BYSL: variants seen among roughly 807,000 people sequenced by gnomAD.
BYSL encodes the protein bystin.
BYSL carries 21 observed loss-of-function variants against 45.4 expected under a neutral mutation model. That is an observed-to-expected ratio of 0.46 (90% CI 0.33 to 0.67). The LOEUF (loss-of-function observed/expected upper bound fraction) is 0.67, where lower values mean the gene tolerates loss of function less well. Ranked by LOEUF, BYSL falls within the 30% of genes least tolerant of loss-of-function variation. The probability of loss-of-function intolerance (pLI) is 0.02; values close to 1 mark genes in which losing one functional copy is unlikely to be tolerated. For synonymous variants in BYSL, 215 were observed against 231.3 expected (o/e 0.93, Z 0.64); for missense variants, 522 against 578.5 (o/e 0.90, Z 1.00).
At chr6:41,910,070 T>C in the BYSL span, among the ~76,000 whole-genome samples, 1 of 152,116 alleles carries the variant, frequency 6.6e-6, no homozygotes, top group East Asian at 1.9e-4. Flanking sequence ...GGATCCAAGC[T>C]GTGATAGGTC....
chr6:41,915,664 G>C, the BYSL span, among the ~76,000 whole-genome samples: 2 of 152,136 alleles, frequency 1.3e-5, no homozygotes, highest in Non-Finnish European at 2.9e-5. Flanking sequence ...GCAGGTGCCT[G>C]TAGTCCCAGC....
At chr6:41,920,972 A>C, upstream of BYSL, 1 of 1,604,324 alleles carries the variant, frequency 6.2e-7, no homozygotes, top group South Asian at 1.1e-5. Flanking sequence ...CACAACTCCA[A>C]GCCCCGCCCC....
At chr6:41,913,072 T>C in the BYSL span, 3 of 149,424 alleles carry the variant, frequency 2.0e-5, no homozygotes, top group Admixed American at 1.3e-4. Flanking sequence ...ATCATGCCAT[T>C]GCACTCCAGC....
rs569549621 is a variant in BYSL, at chr6:41,932,933, G to A, written c.*227G>A. 3 of 547,992 alleles carry A rather than the reference G, an allele frequency of 5.5e-6. No individual in the cohort carries two copies. In the South Asian group the frequency reaches 7.5e-5, roughly 14 times the overall value. The allele number at this position is 547,992 out of a possible 1,614,324, so 33.9% of individuals were successfully genotyped here. The stretch of plus-strand genomic sequence containing the variant: ...CCTGTTTAGTTCTGAGAGCCAACTT[G>A]AGATACCATATGCTAGCATTCCCAG... On this transcript the variant is annotated 3_prime_UTR_variant, in exon 7 of 7. Transcript: ENST00000230340. This position sits in a 1 kb window ranked among gnomAD's most constrained non-coding sequence, Gnocchi z 4.7.
chr6:41,930,282 G>A lies in BYSL; in HGVS notation c.570+12G>A, dbSNP rs1383559866. ...GGGGGGTCCGGGAGGTAAGAGCTGA[G>A]AGGGGAGCCATGGTGGAAGACCCCT... On this transcript the variant is annotated intron_variant, in intron 3 of 6. Transcript: ENST00000230340. 1 of 1,612,386 alleles carries A rather than the reference G, an allele frequency of 6.2e-7. No individual in the cohort carries two copies.
upstream of BYSL, chr6:41,917,011 A>G: frequency 1.3e-6 from 2 of 1,534,198 alleles, no homozygotes; most frequent in Non-Finnish European, 1.8e-6. Context: ...TCACTCGCCC[A>G]CAGCATCACA....
rs1039534633 is a variant in BYSL, at chr6:41,931,722, C to T, written c.866-6C>T. On this transcript the variant is annotated splice_region_variant and splice_polypyrimidine_tract_variant and intron_variant, in intron 5 of 6. Coordinates refer to ENST00000230340, the MANE Select transcript of BYSL (RefSeq NM_004053.4). ...CTCACAGTGGCTGCCCTTTGACTCT[C>T]CCTAGGGATCCTGATTCCACTGTGC... 1.2e-6 allele frequency: 2 copies of T among 1,613,620 alleles called. No individual in the cohort carries two copies. Among genetic ancestry groups the T allele is most frequent in the African/African-American group, 1.3e-5 (1 of 74,924 alleles).
chr6:41,922,846 C>T (rs1775506801), intron 1 of BYSL, among the ~76,000 whole-genome samples: 1 of 152,176 alleles, frequency 6.6e-6, no homozygotes, highest in Non-Finnish European at 1.5e-5. Flanking sequence ...CCCTCCAAAC[C>T]TGCTTCTCTC....
In BYSL at chr6:41,932,533, T is replaced by A; in HGVS notation, c.1141T>A (p.Cys381Ser). The A allele has an allele frequency of 6.2e-7, 1 of 1,614,224 alleles. No homozygotes were observed. Among genetic ancestry groups the A allele is most frequent in the Non-Finnish European group, 8.5e-7 (1 of 1,180,042 alleles). ...TGAACTGCCTGTGCTGTGGCACCAG[T>A]GCCTCCTGACTTTGGTCCAGCGCTA... Reference protein sequence around the residue: ...KRELPVLWHQCLLTLVQRYKA... With the variant: ...KRELPVLWHQSLLTLVQRYKA... The change falls in exon 7 of 7, where the codon TGC (cysteine) becomes AGC (serine). Residue 381 changes from cysteine (C) to serine (S), a missense_variant. Coordinates refer to ENST00000230340, the MANE Select transcript of BYSL (RefSeq NM_004053.4). The surrounding 1 kb of genome is among the most constrained non-coding windows in gnomAD (Gnocchi z 4.7).
chr6:41,932,663 C>T lies in BYSL; in HGVS notation c.1271C>T (p.Ala424Val). Reference protein sequence around the residue: ...SPEIRRELQSAVPRDVEDVPI... With the variant: ...SPEIRRELQSVVPRDVEDVPI... ...GAAATCAGGCGTGAGCTTCAGAGTG[C>T]AGTCCCCCGCGATGTGGAAGATGTT... Residue 424 changes from alanine to valine, a missense_variant, in exon 7 of 7, where the codon GCA becomes GTA. Coordinates refer to ENST00000230340, the MANE Select transcript of BYSL (RefSeq NM_004053.4). This position sits in a 1 kb window ranked among gnomAD's most constrained non-coding sequence, Gnocchi z 4.7. The T allele has an allele frequency of 1.2e-6, 2 of 1,613,970 alleles. No individual in the cohort carries two copies. Among genetic ancestry groups the T allele is most frequent in the Non-Finnish European group, 1.7e-6 (2 of 1,179,842 alleles).
chr6:41,932,391 A>G lies in BYSL; in HGVS notation c.999A>G (p.Glu333=), dbSNP rs1191791940. The G allele has an allele frequency of 6.2e-7, 1 of 1,612,918 alleles. No homozygotes were observed. The highest frequency in any genetic ancestry group is 8.5e-7 in the Non-Finnish European group (1 of 1,179,962). Residue 333 remains glutamate, a synonymous_variant, in exon 7 of 7, where the codon GAA becomes GAG. Coordinates refer to ENST00000230340, the MANE Select transcript of BYSL (RefSeq NM_004053.4). The surrounding 1 kb of genome is among the most constrained non-coding windows in gnomAD (Gnocchi z 4.7). ...SAAMLKIAEM[E]YSGANSIFLR... is the part of the protein sequence containing the mutation. ...CCATGCTGAAAATTGCTGAGATGGA[A>G]TACAGCGGTGCCAACAGCATCTTCC... is the stretch of plus-strand genomic sequence containing the variant.
the BYSL span, among the ~76,000 whole-genome samples, chr6:41,914,671 A>T: frequency 6.6e-6 from 1 of 151,918 alleles, no homozygotes. Context: ...GTGAGCTGTG[A>T]TCATGCTACT....
intron 1 of BYSL, among the ~76,000 whole-genome samples, chr6:41,922,628 T>C (rs1367932298): frequency 6.6e-6 from 1 of 152,240 alleles, no homozygotes; most frequent in Non-Finnish European, 1.5e-5. Flanking sequence ...TTCTCCTCAG[T>C]CCTCTGACCT....
chr6:41,927,319 G>A (rs1014787081), intron 1 of BYSL, 55 bp from the exon 2 acceptor site: 53 of 1,597,690 alleles, frequency 3.3e-5, no homozygotes, highest in South Asian at 1.3e-4. Context: ...TTAAACTGAC[G>A]AAATCCCTCA....
At chr6:41,909,555 G>C in the BYSL span, 11 of 1,605,382 alleles carry the variant, frequency 6.9e-6, no homozygotes, top group African/African-American at 1.2e-4. Context: ...TCATCATCAA[G>C]ACTTTCACTG....
At chr6:41,930,560 C>T in intron 3 of BYSL, 75 bp from the exon 4 acceptor site, 1 of 1,523,976 alleles carries the variant, frequency 6.6e-7, no homozygotes. Flanking sequence ...TTAAAAGCAC[C>T]CAGACAAGTT....
chr6:41,924,771 A>G (rs1775540374), intron 1 of BYSL, among the ~76,000 whole-genome samples: 2 of 152,188 alleles, frequency 1.3e-5, no homozygotes, highest in Admixed American at 1.3e-4. Context: ...CAGAGTGGAA[A>G]ATGAGTTGGA....
At chr6:41,919,776 A>T (rs1168940734), upstream of BYSL, among the ~76,000 whole-genome samples, 1 of 152,204 alleles carries the variant, frequency 6.6e-6, no homozygotes, top group Non-Finnish European at 1.5e-5. Flanking sequence ...TTTCTTTAAA[A>T]AAAAGAAAGA....
chr6:41,922,299 C>CT (rs1294628959), intron 1 of BYSL, among the ~76,000 whole-genome samples: 1 of 152,212 alleles, frequency 6.6e-6, no homozygotes, highest in African/African-American at 2.4e-5. Flanking sequence ...TCTTGAGAAG[C>CT]TTCTCCGATT....
Sources: allele counts gnomAD v4.1 joint callset (sites outside exome capture counted in the v4.1 genomes callset), GRCh38; gene constraint gnomAD v4.1.1; non-coding constraint Gnocchi (gnomAD v3.1); transcripts MANE v1.5; gene names NCBI Gene and HGNC (gene_info 2026-07-23, HGNC 2026-07-21).